ZSWIM9: variants seen among roughly 807,000 people sequenced by gnomAD.
ZSWIM9 encodes the protein zinc finger SWIM-type containing 9.
ZSWIM9 carries 11 observed loss-of-function variants against 25.0 expected under a neutral mutation model. The observed-to-expected ratio is 0.44, with a 90% confidence interval of 0.28 to 0.73. The LOEUF is 0.73. ZSWIM9 is among the 30% of genes least tolerant of loss of function. ZSWIM9 has a pLI of 0.16. For missense variants in ZSWIM9, 1,070 were observed against 1,296.5 expected (o/e 0.83, Z 2.68); for synonymous variants, 562 against 582.1 (o/e 0.97, Z 0.50).
intron 3 of ZSWIM9, among the ~76,000 whole-genome samples, chr19:48,187,429 T>TTATATATATTATATATTATATATTAATTA (rs2037028489): frequency 2.8e-4 from 29 of 103,966 alleles, no homozygotes; most frequent in Non-Finnish European, 4.7e-4. Flanking sequence ...ATATATTATA[T>TTATATATATTATATATTATATATTAATTA]TATATTATAT....
intron 3 of ZSWIM9, among the ~76,000 whole-genome samples, chr19:48,185,127 T>G (rs957474309): frequency 6.7e-6 from 1 of 148,200 alleles, no homozygotes; most frequent in South Asian, 2.1e-4. Context: ...TGTTTTGACC[T>G]GCTTTCATAC....
rs1420727309 is a variant in ZSWIM9, at chr19:48,194,898, G to A, written c.834G>A (p.Leu278=). The A allele has an allele frequency of 6.9e-6, 9 of 1,311,104 alleles. No homozygotes were observed. The East Asian group carries it at 3.3e-4, about 47-fold the overall frequency. 81.2% of individuals were successfully genotyped at this position (1,311,104 alleles called of 1,614,324 possible). Residue 278 remains leucine (L), a synonymous_variant, in exon 4 of 4, where the codon CTG becomes CTA. Transcript: ENST00000614654. The surrounding 1 kb of genome is among the most constrained non-coding windows in gnomAD (Gnocchi z 6.0). Reference sequence around the variant, plus strand: ...TGCTGCGCTTCGCGCTCGCGTCGCTGCTGCAGAGCGCGCCAGACGTCAAGG... The same window carrying A: ...TGCTGCGCTTCGCGCTCGCGTCGCTACTGCAGAGCGCGCCAGACGTCAAGG... ...PSLLRFALAS[L]LQSAPDVKGR...
chr19:48,177,809 T>G (rs1338517739), intron 2 of ZSWIM9, among the ~76,000 whole-genome samples: 1 of 152,236 alleles, frequency 6.6e-6, no homozygotes, highest in African/African-American at 2.4e-5. Flanking sequence ...ACGCGGGGAT[T>G]TCCTTTGCTT....
chr19:48,187,557 T>G (rs1479102848), intron 3 of ZSWIM9: 1 of 27,826 alleles, frequency 3.6e-5, no homozygotes, highest in Admixed American at 7.8e-4. Context: ...ATTATATATA[T>G]TATATATAAT....
At chr19:48,171,155 A>C in intron 1 of ZSWIM9, 9 of 830,204 alleles carry the variant, frequency 1.1e-5, no homozygotes, top group Non-Finnish European at 1.3e-5. Flanking sequence ...AGCCCCAGCT[A>C]CAGCTGCATG....
chr19:48,179,862 G>A (rs956190193), intron 2 of ZSWIM9, among the ~76,000 whole-genome samples: 28 of 152,184 alleles, frequency 1.8e-4, no homozygotes, highest in African/African-American at 6.5e-4. Context: ...TTATCTCACA[G>A]TTCTGGAGGT....
In ZSWIM9 at chr19:48,194,061, C is replaced by T. The variant is rs1272162179; in HGVS notation, c.589-592C>T. On this transcript the variant is annotated intron_variant, in intron 3 of 3. Transcript: ENST00000614654. The surrounding 1 kb of genome is among the most constrained non-coding windows in gnomAD (Gnocchi z 6.0). ...ACTGAGGCACAGAGAGGTTAAATCG[C>T]AGGGTTCAGAAGTGTTGGGGGTGGG... Among the ~76,000 whole-genome samples the T allele has an allele frequency of 6.6e-6, 1 of 152,102 alleles. No individual in the cohort carries two copies.
At position 48,194,621 on chromosome 19, in the gene ZSWIM9, C is replaced by A. The variant is rs1199216739; in HGVS notation, c.589-32C>A. The A allele has an allele frequency of 7.1e-7, 1 of 1,405,230 alleles. No individual in the cohort carries two copies. The highest frequency in any genetic ancestry group is 9.3e-7 in the Non-Finnish European group (1 of 1,076,682). The allele number at this position is 1,405,230 out of a possible 1,614,324, so 87.0% of individuals were successfully genotyped here. On this transcript the variant is annotated intron_variant, in intron 3 of 3. Transcript: ENST00000614654. The surrounding 1 kb of genome is among the most constrained non-coding windows in gnomAD (Gnocchi z 6.0). The stretch of plus-strand genomic sequence containing the variant: ...CGGGGAGACCCCAGCATCCTCTGAC[C>A]TCTTTCCTTGCCTCCCTGCCCCCGC...
chr19:48,183,170 C>T (rs1361137383), intron 3 of ZSWIM9: 2 of 159,708 alleles, frequency 1.3e-5, no homozygotes, highest in African/African-American at 2.4e-5. Context: ...GCTCTATCAC[C>T]CAGGCTGGAG....
At chr19:48,191,611 G>C (rs367858099) in intron 3 of ZSWIM9, among the ~76,000 whole-genome samples, 1 of 152,116 alleles carries the variant, frequency 6.6e-6, no homozygotes, top group Admixed American at 6.6e-5. Flanking sequence ...CTCACGTGTC[G>C]GAAGAGGTGT....
At chr19:48,179,717 A>G (rs2036928618) in intron 2 of ZSWIM9, among the ~76,000 whole-genome samples, 1 of 152,240 alleles carries the variant, frequency 6.6e-6, no homozygotes, top group African/African-American at 2.4e-5. Flanking sequence ...AGTAAAAGGA[A>G]TGAAACTGAA....
chr19:48,187,186 T>G (rs2037021523), intron 3 of ZSWIM9, among the ~76,000 whole-genome samples: 1 of 147,372 alleles, frequency 6.8e-6, no homozygotes, highest in Non-Finnish European at 1.5e-5. Context: ...CCTATCATAT[T>G]GCCTCTGATT....
At chr19:48,187,532 T>TA (rs2037037890) in intron 3 of ZSWIM9, 3 of 78,980 alleles carry the variant, frequency 3.8e-5, no homozygotes, top group East Asian at 3.3e-4. Flanking sequence ...ATATATTATA[T>TA]TATTATTATA....
At chr19:48,176,463 A>C (rs972476340) in intron 2 of ZSWIM9, among the ~76,000 whole-genome samples, 2 of 152,152 alleles carry the variant, frequency 1.3e-5, no homozygotes, top group African/African-American at 4.8e-5. Context: ...AGGATAACAC[A>C]GCAGCTAAGA....
Position 48,182,431 on chromosome 19 carries a change from G to GGGC in ZSWIM9, c.276-21_276-19dup. ...AGAGGGCAGCAGAGTGATGTGACCA[G>GGGC]GGCGGTGGTGGTTCCTCCCACAGGC... On this transcript the variant is annotated intron_variant, in intron 2 of 3. Coordinates refer to ENST00000614654, the MANE Select transcript of ZSWIM9 (RefSeq NM_199341.4). The surrounding 1 kb of genome is among the most constrained non-coding windows in gnomAD (Gnocchi z 4.6). The GGGC allele has an allele frequency of 1.3e-6, 2 of 1,518,242 alleles. No homozygotes were observed. The highest frequency in any genetic ancestry group is 3.6e-4 in the Middle Eastern group (2 of 5,574). The allele number at this position is 1,518,242 out of a possible 1,614,324, so 94.0% of individuals were successfully genotyped here.
intron 3 of ZSWIM9, among the ~76,000 whole-genome samples, chr19:48,190,254 G>C (rs1374815720): frequency 6.6e-6 from 1 of 151,790 alleles, no homozygotes; most frequent in Non-Finnish European, 1.5e-5. Flanking sequence ...CATACTAAAC[G>C]CATTTGTTTC....
At chr19:48,192,449 C>CAAA (rs57895777) in intron 3 of ZSWIM9, among the ~76,000 whole-genome samples, 13 of 9,226 alleles carry the variant, frequency 1.4e-3, no homozygotes, top group African/African-American at 1.5e-3. Flanking sequence ...GACTCTGTCT[C>CAAA]AAAAAAAAAA....
Position 48,197,500 on chromosome 19 carries a change from C to T in ZSWIM9, c.*673C>T, listed in dbSNP as rs145187384. 894 of 559,894 alleles carry T rather than the reference C, an allele frequency of 1.6e-3. 3 individuals carry two copies. Among genetic ancestry groups the T allele is most frequent in the African/African-American group, 0.015 (774 of 52,946 alleles). The allele number at this position is 559,894 out of a possible 1,614,324, so 34.7% of individuals were successfully genotyped here. A position where few individuals can be genotyped will look rare whatever the true frequency, so the allele number is the denominator to read the frequency against. On this transcript the variant is annotated 3_prime_UTR_variant, in exon 4 of 4. Transcript: ENST00000614654. ...TCTCCAAGACCTGGAGACATCGACCCCCATCGCCTTCTGAAGAGAGAGGGA... is the reference window on the plus strand; with the variant it reads ...TCTCCAAGACCTGGAGACATCGACCTCCATCGCCTTCTGAAGAGAGAGGGA...
At chr19:48,187,419 A>T (rs1461464171) in intron 3 of ZSWIM9, among the ~76,000 whole-genome samples, 109 of 84,900 alleles carry the variant, frequency 1.3e-3, no homozygotes, top group African/African-American at 4.0e-3. Context: ...TATTATAATT[A>T]TATATTATAT....
Sources: allele counts gnomAD v4.1 joint callset (sites outside exome capture counted in the v4.1 genomes callset), GRCh38; gene constraint gnomAD v4.1.1; non-coding constraint Gnocchi (gnomAD v3.1); transcripts MANE v1.5; gene names NCBI Gene and HGNC (gene_info 2026-07-23, HGNC 2026-07-21).